The following MSI2 variants were observed in gnomAD, a reference collection of about 807,000 sequenced individuals.
MSI2 encodes RNA-binding protein Musashi homolog 2.
MSI2 carries 17 observed loss-of-function variants against 45.6 expected under a neutral mutation model. The observed-to-expected ratio is 0.37, with a 90% CI of 0.26 to 0.56. MSI2 has a LOEUF of 0.56. Ranked by LOEUF, MSI2 falls within the 20% of genes least tolerant of loss-of-function variation. MSI2 has a pLI of 0.77. For missense variants in MSI2, 293 were observed against 444.2 expected, an observed-to-expected ratio of 0.66 and a Z score of 3.06; for synonymous variants, 156 against 158.2, an observed-to-expected ratio of 0.99 and a Z score of 0.11.
intron 7 of MSI2, among the ~76,000 whole-genome samples, chr17:57,536,431 T>C (rs2086921630): frequency 6.6e-6 from 1 of 152,170 alleles, no homozygotes; most frequent in East Asian, 1.9e-4. Flanking sequence ...ATGACACTTT[T>C]GCTGATGTGA....
chr17:57,387,788 C>T (rs1048516097), intron 5 of MSI2, among the ~76,000 whole-genome samples: 4 of 152,146 alleles, frequency 2.6e-5, no homozygotes, highest in African/African-American at 9.7e-5. Context: ...TCCCCATTCA[C>T]AGATGAGCAG....
At chr17:57,476,632 C>T (rs2085542573) in intron 6 of MSI2, among the ~76,000 whole-genome samples, 1 of 152,178 alleles carries the variant, frequency 6.6e-6, no homozygotes, top group Admixed American at 6.5e-5. Flanking sequence ...TTCAGGGATC[C>T]AGGTTCCTTC....
At chr17:57,352,706 A>G (rs894727506) in intron 5 of MSI2, among the ~76,000 whole-genome samples, 29 of 152,236 alleles carry the variant, frequency 1.9e-4, no homozygotes, top group African/African-American at 7.0e-4. Context: ...CTGTACCTAG[A>G]CAGGGTTTGT....
At chr17:57,474,714 T>C (rs2085505658) in intron 6 of MSI2, among the ~76,000 whole-genome samples, 2 of 151,786 alleles carry the variant, frequency 1.3e-5, no homozygotes, top group African/African-American at 2.4e-5. Context: ...TTTTTTGTTT[T>C]TGTTTTTGTT....
intron 8 of MSI2, among the ~76,000 whole-genome samples, chr17:57,602,875 CAG>C (rs143301861): frequency 6.6e-6 from 1 of 152,300 alleles, no homozygotes; most frequent in East Asian, 1.9e-4. Flanking sequence ...CCTAGACCTA[CAG>C]AGTCAGAATC....
In MSI2 at chr17:57,523,288, C is replaced by A. The variant is rs183171468; in HGVS notation, c.406-6388C>A. Among the ~76,000 whole-genome samples the A allele has an allele frequency of 1.1e-4, 16 of 152,264 alleles. No individual in the cohort carries two copies. The East Asian group carries it at 3.1e-3, about 29-fold the overall frequency. On this transcript the variant is annotated intron_variant, in intron 6 of 13. Coordinates refer to ENST00000284073, the MANE Select transcript of MSI2 (RefSeq NM_138962.4). Reference sequence around the variant, plus strand: ...GGTCTCGAACTCCTGACCTCAGTGACCTGCCCACCTCTGCCTCCCAAAGTG... The same window carrying A: ...GGTCTCGAACTCCTGACCTCAGTGAACTGCCCACCTCTGCCTCCCAAAGTG...
intron 9 of MSI2, among the ~76,000 whole-genome samples, chr17:57,619,632 G>A (rs2144577467): frequency 6.6e-6 from 1 of 152,298 alleles, no homozygotes; most frequent in Middle Eastern, 3.4e-3. Flanking sequence ...CAGGCCCAGG[G>A]GCTCCAGGGT....
At chr17:57,293,617 G>GT (rs1457949883) in intron 5 of MSI2, among the ~76,000 whole-genome samples, 97 of 75,256 alleles carry the variant, frequency 1.3e-3, no homozygotes, top group African/African-American at 3.3e-3. Context: ...GTTTTTTTTT[G>GT]TTTTTTTTGA....
intron 6 of MSI2, among the ~76,000 whole-genome samples, chr17:57,457,163 A>G (rs139185514): frequency 2.6e-5 from 4 of 152,362 alleles, no homozygotes; most frequent in Non-Finnish European, 5.9e-5. Flanking sequence ...GAACACTCTA[A>G]TAACTCCTAT....
chr17:57,575,398 G>A (rs1013034217), intron 7 of MSI2, among the ~76,000 whole-genome samples: 4 of 152,186 alleles, frequency 2.6e-5, no homozygotes, highest in African/African-American at 9.7e-5. Flanking sequence ...GTGGAGTGCT[G>A]CGCATCTCCT....
At chr17:57,632,790 G>T (rs1045479800) in intron 10 of MSI2, 60 of 1,065,324 alleles carry the variant, frequency 5.6e-5, no homozygotes, top group Middle Eastern at 4.1e-4. Context: ...GAAGTGACCC[G>T]CACGCTTCCA....
intron 7 of MSI2, among the ~76,000 whole-genome samples, chr17:57,561,953 T>C (rs1309358224): frequency 6.6e-6 from 1 of 152,220 alleles, no homozygotes; most frequent in Non-Finnish European, 1.5e-5. Flanking sequence ...ATTCCGGTTC[T>C]TTCTACTTAT....
At chr17:57,347,329 C>G (rs548730600) in intron 5 of MSI2, among the ~76,000 whole-genome samples, 8 of 152,242 alleles carry the variant, frequency 5.3e-5, no homozygotes, top group African/African-American at 1.9e-4. Context: ...AATTATGAGA[C>G]CTGTATTCCA....
intron 5 of MSI2, among the ~76,000 whole-genome samples, chr17:57,352,274 T>C (rs539295657): frequency 6.6e-6 from 1 of 152,364 alleles, no homozygotes; most frequent in African/African-American, 2.4e-5. Flanking sequence ...CTACCATCTC[T>C]GTTTTGGGAC....
intron 6 of MSI2, among the ~76,000 whole-genome samples, chr17:57,455,003 C>G (rs1300959488): frequency 1.3e-5 from 2 of 152,192 alleles, no homozygotes; most frequent in Non-Finnish European, 2.9e-5. Flanking sequence ...CTGCCATGAC[C>G]TTGAGGCTGT....
chr17:57,698,192 G>A, the MSI2 span, among the ~76,000 whole-genome samples: 4 of 152,200 alleles, frequency 2.6e-5, no homozygotes, highest in African/African-American at 4.8e-5. Flanking sequence ...AGGACAGACC[G>A]GATCTTCCTG....
chr17:57,500,049 C>A (rs188472323), intron 6 of MSI2, among the ~76,000 whole-genome samples: 1 of 151,968 alleles, frequency 6.6e-6, no homozygotes, highest in African/African-American at 2.4e-5. Flanking sequence ...GGATTGGAGG[C>A]GTATTGAGGT....
At chr17:57,598,217 C>T (rs558671394) in intron 8 of MSI2, among the ~76,000 whole-genome samples, 1 of 152,244 alleles carries the variant, frequency 6.6e-6, no homozygotes, top group African/African-American at 2.4e-5. Flanking sequence ...ATCTGTGTTT[C>T]AATTGCAGCT....
In MSI2 at chr17:57,510,119, G is replaced by A. The variant is rs559220830; in HGVS notation, c.406-19557G>A. Among the ~76,000 whole-genome samples, 156 of 152,154 alleles carry A rather than the reference G, an allele frequency of 1.0e-3. 1 individual carries two copies. Among genetic ancestry groups the A allele is most frequent in the African/African-American group, 3.3e-3 (138 of 41,404 alleles). On this transcript the variant is annotated intron_variant, in intron 6 of 13. Coordinates refer to ENST00000284073, the MANE Select transcript of MSI2 (RefSeq NM_138962.4). ...TCACACCACCGTTCTGCCCCACGAG[G>A]TTTCCCCATCTACTCCTTCCTCTGT...
Sources: allele counts gnomAD v4.1 joint callset (sites outside exome capture counted in the v4.1 genomes callset), GRCh38; gene constraint gnomAD v4.1.1; transcripts MANE v1.5; gene names NCBI Gene and HGNC (gene_info 2026-07-23, HGNC 2026-07-21).